The following VKORC1L1 variants were observed in gnomAD, a reference collection of about 807,000 sequenced individuals.
The protein encoded by VKORC1L1 is vitamin K epoxide reductase complex subunit 1L1.
A neutral mutation model predicts 18.9 loss-of-function variants in VKORC1L1; 2 were observed. The observed-to-expected ratio is 0.11, with a 90% confidence interval of 0.04 to 0.33. VKORC1L1 has a LOEUF of 0.33. Ranked by LOEUF, VKORC1L1 falls within the 10% of genes least tolerant of loss-of-function variation. The pLI, the probability that VKORC1L1 is intolerant of heterozygous loss-of-function variation, is 1.00. For missense variants in VKORC1L1, 123 were observed against 224.1 expected (o/e 0.55, Z 2.88); for synonymous variants, 96 against 100.0 (o/e 0.96, Z 0.24).
At chr7:65,887,380 CAT>C (rs1240074680) in intron 1 of VKORC1L1, among the ~76,000 whole-genome samples, 5 of 151,674 alleles carry the variant, frequency 3.3e-5, no homozygotes, top group Non-Finnish European at 1.5e-5. Context: ...AGAAATATAA[CAT>C]TGATCCATAT....
At chr7:65,903,823 G>A (rs1478289688) in intron 1 of VKORC1L1, among the ~76,000 whole-genome samples, 1 of 150,406 alleles carries the variant, frequency 6.6e-6, no homozygotes, top group East Asian at 1.9e-4. Flanking sequence ...CAGCAGACCT[G>A]CACAAGAAGT....
At chr7:65,868,025 T>G in the VKORC1L1 span, among the ~76,000 whole-genome samples, 1 of 152,206 alleles carries the variant, frequency 6.6e-6, no homozygotes, top group Non-Finnish European at 1.5e-5. Flanking sequence ...TTTTGCACTT[T>G]TAGTAGAGAT....
chr7:65,939,730 G>T (rs928007412), intron 1 of VKORC1L1, among the ~76,000 whole-genome samples: 2 of 152,188 alleles, frequency 1.3e-5, no homozygotes, highest in African/African-American at 4.8e-5. Flanking sequence ...CGACAGGGAA[G>T]CCACAGGTTA....
rs188637215 is a variant in VKORC1L1, at chr7:65,922,123, T to A, written c.195-26548T>A. ...TTCATTTACCAATCACGTACCTTTT[T>A]TGTCATTATTGTCATTTATTTTAAT... On this transcript the variant is annotated intron_variant, in intron 1 of 2. Coordinates refer to ENST00000360768, the MANE Select transcript of VKORC1L1 (RefSeq NM_173517.6). Among the ~76,000 whole-genome samples, 201 of 152,318 alleles carry A rather than the reference T, an allele frequency of 1.3e-3. 1 individual carries two copies. Among genetic ancestry groups the A allele is most frequent in the African/African-American group, 4.5e-3 (189 of 41,564 alleles).
intron 1 of VKORC1L1, among the ~76,000 whole-genome samples, chr7:65,886,942 T>C (rs1789025308): frequency 6.9e-6 from 1 of 145,250 alleles, no homozygotes; most frequent in Admixed American, 7.0e-5. Context: ...CTCTGCCTCC[T>C]GGGTTCAAGC....
chr7:65,890,866 C>G (rs1244586905), intron 1 of VKORC1L1, among the ~76,000 whole-genome samples: 1 of 152,122 alleles, frequency 6.6e-6, no homozygotes, highest in Non-Finnish European at 1.5e-5. Context: ...AATGTACAGC[C>G]TGAAGAGTAT....
chr7:65,905,320 A>AT (rs1444495032), intron 1 of VKORC1L1, among the ~76,000 whole-genome samples: 2 of 150,770 alleles, frequency 1.3e-5, no homozygotes, highest in Non-Finnish European at 3.0e-5. Flanking sequence ...TTATTTTTTT[A>AT]TTTTTTTTGA....
chr7:65,957,496 AG>A lies in VKORC1L1; in HGVS notation c.*3197del, dbSNP rs1478925408. Reference sequence around the variant, plus strand: ...ACTGTCCCCCCCCCAAAAAAAAAAGAGAGAGACTGCATTCAAAGAGGACCAA... The same window carrying A: ...ACTGTCCCCCCCCCAAAAAAAAAAGAAGAGACTGCATTCAAAGAGGACCAA... On this transcript the variant is annotated 3_prime_UTR_variant, in exon 3 of 3. Transcript: ENST00000360768. 6.2e-5 allele frequency: 9 copies of A among 145,064 alleles called. No individual in the cohort carries two copies. Among genetic ancestry groups the A allele is most frequent in the African/African-American group, 1.3e-4 (5 of 38,568 alleles). The allele number at this position is 145,064 out of a possible 1,614,324, so 9.0% of individuals were successfully genotyped here. A position where few individuals can be genotyped will look rare whatever the true frequency, so the allele number is the denominator to read the frequency against.
chr7:65,879,821 CCTTTCCTTTTTTTTT>C (rs1195294123), intron 1 of VKORC1L1, among the ~76,000 whole-genome samples: 2 of 148,134 alleles, frequency 1.4e-5, no homozygotes, highest in Non-Finnish European at 3.0e-5. Flanking sequence ...CTTTTTCTTT[CCTTTCCTTTTTTTTT>C]CTTTCCTTTC....
intron 1 of VKORC1L1, among the ~76,000 whole-genome samples, chr7:65,900,288 G>T (rs1789292456): frequency 6.6e-6 from 1 of 151,768 alleles, no homozygotes; most frequent in Admixed American, 6.6e-5. Context: ...TACTCGGGAG[G>T]CTGAGGCAGG....
At chr7:65,884,466 G>A (rs141908821) in intron 1 of VKORC1L1, among the ~76,000 whole-genome samples, 76 of 151,712 alleles carry the variant, frequency 5.0e-4, no homozygotes, top group African/African-American at 1.3e-3. Context: ...GTGAAACCCC[G>A]TCTCTACTAA....
chr7:65,866,806 G>A, the VKORC1L1 span, among the ~76,000 whole-genome samples: 4 of 152,178 alleles, frequency 2.6e-5, no homozygotes, highest in East Asian at 3.9e-4. Context: ...ACAGCTACTC[G>A]GGAGGCTGAG....
chr7:65,957,413 A>C lies in VKORC1L1; in HGVS notation c.*3113A>C, dbSNP rs1267003147. On this transcript the variant is annotated 3_prime_UTR_variant, in exon 3 of 3. Transcript: ENST00000360768. Reference sequence around the variant, plus strand: ...GGAGAATTGCTTGAGCCCGGGAGACAGAGGTTGCAGTGAGTCAAGATCATG... The same window carrying C: ...GGAGAATTGCTTGAGCCCGGGAGACCGAGGTTGCAGTGAGTCAAGATCATG... The C allele has an allele frequency of 6.6e-6, 1 of 152,058 alleles. No homozygotes were observed. The highest frequency in any genetic ancestry group is 1.5e-5 in the Non-Finnish European group (1 of 68,118). The allele number at this position is 152,058 out of a possible 1,614,324, so 9.4% of individuals were successfully genotyped here. A position where few individuals can be genotyped will look rare whatever the true frequency, so the allele number is the denominator to read the frequency against.
In VKORC1L1 at chr7:65,875,669, G is replaced by A. The variant is rs184829709; in HGVS notation, c.194+2104G>A. Among the ~76,000 whole-genome samples the A allele has an allele frequency of 1.9e-3, 286 of 150,598 alleles. 3 individuals are homozygous for A. The highest frequency in any genetic ancestry group is 6.7e-3 in the African/African-American group (278 of 41,438). On this transcript the variant is annotated intron_variant, in intron 1 of 2. Transcript: ENST00000360768. ...CCTGACCTCGTGATCCGCCCTCCTC[G>A]GCCTCCCAAAGTGCTGGGATTACAG...
chr7:65,931,527 T>G (rs1789857311), intron 1 of VKORC1L1, among the ~76,000 whole-genome samples: 1 of 152,206 alleles, frequency 6.6e-6, no homozygotes, highest in African/African-American at 2.4e-5. Flanking sequence ...TCTTAATGTA[T>G]ATAACTGTGT....
intron 1 of VKORC1L1, among the ~76,000 whole-genome samples, chr7:65,881,234 C>A (rs1416095857): frequency 6.6e-6 from 1 of 152,138 alleles, no homozygotes; most frequent in Non-Finnish European, 1.5e-5. Context: ...ATTTCATACA[C>A]CTTTGATTCA....
At position 65,944,859 on chromosome 7, in the gene VKORC1L1, A is replaced by G. The variant is rs140127133; in HGVS notation, c.195-3812A>G. The stretch of plus-strand genomic sequence containing the variant: ...TTGAGACTGGGAGGTGGAGGTTGCA[A>G]TGAGTGCAGATTGCACCACTGCACT... On this transcript the variant is annotated intron_variant, in intron 1 of 2. Coordinates refer to ENST00000360768, the MANE Select transcript of VKORC1L1 (RefSeq NM_173517.6). 6.5e-3 allele frequency among the ~76,000 whole-genome samples: 993 copies of G among 151,634 alleles called. 18 individuals carry two copies. The highest frequency in any genetic ancestry group is 0.022 in the African/African-American group (916 of 41,316).
intron 1 of VKORC1L1, among the ~76,000 whole-genome samples, chr7:65,882,751 A>G (rs903853826): frequency 3.3e-5 from 5 of 152,352 alleles, no homozygotes; most frequent in African/African-American, 4.8e-5. Flanking sequence ...GCATTATGCA[A>G]TAACATGACT....
chr7:65,933,362 C>A (rs186002649), intron 1 of VKORC1L1, among the ~76,000 whole-genome samples: 1 of 151,992 alleles, frequency 6.6e-6, no homozygotes, highest in Admixed American at 6.6e-5. Flanking sequence ...TTAATTGATC[C>A]TTTTACCGTT....
Sources: gnomAD v4.1 joint callset for allele counts (sites outside exome capture counted in the v4.1 genomes callset) on GRCh38, gnomAD v4.1.1 for gene constraint, MANE v1.5 for transcripts, NCBI Gene and HGNC (gene_info 2026-07-23, HGNC 2026-07-21) for gene names.